MCU: variants seen among roughly 807,000 people sequenced by gnomAD.
MCU encodes the protein calcium uniporter protein, mitochondrial.
A neutral mutation model predicts 45.2 loss-of-function variants in MCU; 12 were observed. That is an observed-to-expected ratio of 0.27 (90% CI 0.17 to 0.43). MCU has a LOEUF of 0.43. Ranked by LOEUF, MCU falls within the 20% of genes least tolerant of loss-of-function variation. The pLI, the probability that MCU is intolerant of heterozygous loss-of-function variation, is 1.00. For missense variants in MCU, 324 were observed against 436.7 expected, an observed-to-expected ratio of 0.74 and a Z score of 2.30; for synonymous variants, 160 against 165.1, an observed-to-expected ratio of 0.97 and a Z score of 0.24.
At chr10:72,693,074 G>A in intron 1 of MCU, 1 of 1,536,148 alleles carries the variant, frequency 6.5e-7, no homozygotes, top group Non-Finnish European at 8.7e-7. Context: ...ATGGTAAGTT[G>A]TTGACAGAGG....
At chr10:72,859,769 A>G (rs1392559638) in intron 3 of MCU, among the ~76,000 whole-genome samples, 3 of 152,230 alleles carry the variant, frequency 2.0e-5, no homozygotes, top group African/African-American at 4.8e-5. Context: ...CTAAGGCACT[A>G]AAAATTACCA....
intron 1 of MCU, among the ~76,000 whole-genome samples, chr10:72,757,368 G>A (rs1455562126): frequency 6.6e-6 from 1 of 152,158 alleles, no homozygotes; most frequent in Non-Finnish European, 1.5e-5. Context: ...ACATGAAAAA[G>A]GAAAATATAA....
At chr10:72,692,548 G>A in intron 1 of MCU, 1 of 1,079,704 alleles carries the variant, frequency 9.3e-7, no homozygotes, top group Non-Finnish European at 1.1e-6. Context: ...GCAGGACTGG[G>A]GACACCAGGG....
chr10:72,752,761 A>T (rs552115177), intron 1 of MCU, among the ~76,000 whole-genome samples: 2 of 152,226 alleles, frequency 1.3e-5, no homozygotes, highest in Non-Finnish European at 2.9e-5. Flanking sequence ...TAGCAGAGCA[A>T]TGGCTGCTGT....
At chr10:72,782,462 C>A (rs1474025582) in intron 1 of MCU, among the ~76,000 whole-genome samples, 1 of 152,194 alleles carries the variant, frequency 6.6e-6, no homozygotes. Flanking sequence ...CCTCTGCCTC[C>A]TGGGTTCAAG....
chr10:72,845,777 A>G (rs1469191558), intron 2 of MCU, among the ~76,000 whole-genome samples: 3 of 152,224 alleles, frequency 2.0e-5, no homozygotes, highest in Admixed American at 6.5e-5. Context: ...ATGAAATTCT[A>G]TATAGGAGTG....
intron 1 of MCU, among the ~76,000 whole-genome samples, chr10:72,805,875 A>G (rs995627844): frequency 6.6e-6 from 1 of 152,224 alleles, no homozygotes; most frequent in African/African-American, 2.4e-5. Flanking sequence ...AGATGTGAAG[A>G]AAACTTTAAG....
rs1193681306 is a variant in MCU at position 72,873,013 on chromosome 10, GTTTTTTTTTT to G, written c.861+1447_861+1456del. On this transcript the variant is annotated intron_variant, in intron 6 of 7. Transcript: ENST00000373053. ...TTGTTTTTGTTTTTTTGTTTTTTGG[GTTTTTTTTTT>G]TTTTTTTTTTTTTGAGATGGAGTCT... 9.0e-5 allele frequency among the ~76,000 whole-genome samples: 8 copies of G among 88,856 alleles called. No individual in the cohort carries two copies. In the South Asian group the frequency reaches 2.3e-3, roughly 25 times the overall value. 58.3% of individuals were successfully genotyped at this position (88,856 alleles called of 152,430 possible).
rs1226227961 is a variant in MCU, at chr10:72,748,716, T to G, written c.150+56415T>G. Among the ~76,000 whole-genome samples, 4 of 152,046 alleles carry G rather than the reference T, an allele frequency of 2.6e-5. No individual in the cohort carries two copies. The East Asian group carries it at 7.7e-4, about 29-fold the overall frequency. ...GTTAATTCATTCTCTGAAGAAATAC[T>G]TCATTGTTTAAAAAAAAAAAGATAA... On this transcript the variant is annotated intron_variant, in intron 1 of 7. Transcript: ENST00000373053.
intron 1 of MCU, among the ~76,000 whole-genome samples, chr10:72,695,628 A>T (rs1463140590): frequency 6.6e-6 from 1 of 152,130 alleles, no homozygotes; most frequent in East Asian, 1.9e-4. Flanking sequence ...CACTTTACAC[A>T]TGAGGAAACC....
At position 72,862,445 on chromosome 10, in the gene MCU, C is replaced by T. The variant is rs138192061; in HGVS notation, c.496+1918C>T. Among the ~76,000 whole-genome samples the T allele has an allele frequency of 1.2e-3, 185 of 152,252 alleles. 1 individual carries two copies. Among genetic ancestry groups the T allele is most frequent in the Non-Finnish European group, 2.2e-3 (149 of 68,018 alleles). On this transcript the variant is annotated intron_variant, in intron 4 of 7. Transcript: ENST00000373053. ...CCAGTTTTGTTAAAGATAATTTTTC[C>T]ACTGACAGTGGGGGCGGGGGCAGAG...
Position 72,702,043 on chromosome 10 carries a change from C to T in MCU, c.150+9742C>T, listed in dbSNP as rs141806645. On this transcript the variant is annotated intron_variant, in intron 1 of 7. Transcript: ENST00000373053. ...TCACCTGAGGTCAGGAGTTCAGGAC[C>T]AGCCTGACCAACATAGTGAAACCCC... Among the ~76,000 whole-genome samples the T allele has an allele frequency of 5.7e-3, 869 of 151,678 alleles. 2 individuals carry two copies. The highest frequency in any genetic ancestry group is 8.6e-3 in the Non-Finnish European group (587 of 67,914).
intron 1 of MCU, among the ~76,000 whole-genome samples, chr10:72,709,084 G>T (rs1317990953): frequency 6.6e-6 from 1 of 152,156 alleles, no homozygotes; most frequent in Non-Finnish European, 1.5e-5. Context: ...GGCCATGCTG[G>T]ACACTGCAGA....
intron 1 of MCU, among the ~76,000 whole-genome samples, chr10:72,696,274 A>G (rs1047715441): frequency 7.4e-6 from 1 of 134,960 alleles, no homozygotes; most frequent in African/African-American, 2.8e-5. Flanking sequence ...AAGAGCTAGT[A>G]TTATATACGT....
intron 1 of MCU, among the ~76,000 whole-genome samples, chr10:72,750,050 G>C (rs1843472712): frequency 6.6e-6 from 1 of 151,692 alleles, no homozygotes; most frequent in Admixed American, 6.6e-5. Context: ...CTCCCGAAGT[G>C]CTGGGATTAC....
At chr10:72,701,651 C>T (rs1224013325) in intron 1 of MCU, among the ~76,000 whole-genome samples, 16 of 152,038 alleles carry the variant, frequency 1.1e-4, no homozygotes, top group Non-Finnish European at 1.3e-4. Context: ...CTCATCCTCC[C>T]GAGTAGCTGG....
intron 1 of MCU, among the ~76,000 whole-genome samples, chr10:72,765,786 C>CAAAAA (rs36071651): frequency 3.5e-4 from 22 of 63,000 alleles, no homozygotes; most frequent in East Asian, 5.9e-4. Context: ...GACGCTGTCT[C>CAAAAA]AAAAAAAAAA....
chr10:72,845,597 G>C (rs896270313), intron 2 of MCU, among the ~76,000 whole-genome samples: 4 of 152,062 alleles, frequency 2.6e-5, no homozygotes, highest in Non-Finnish European at 5.9e-5. Context: ...ACAGTAACAT[G>C]GTATACAGGT....
intron 4 of MCU, among the ~76,000 whole-genome samples, chr10:72,860,911 G>T (rs1845366273): frequency 6.6e-6 from 1 of 152,124 alleles, no homozygotes; most frequent in Admixed American, 6.6e-5. Flanking sequence ...CTTAAGCATT[G>T]TAATAAGTAT....
Sources: gnomAD v4.1 joint callset for allele counts (sites outside exome capture counted in the v4.1 genomes callset) on GRCh38, gnomAD v4.1.1 for gene constraint, MANE v1.5 for transcripts, NCBI Gene and HGNC (gene_info 2026-07-23, HGNC 2026-07-21) for gene names.